Variants in ROBO1 observed in about 807,000 individuals in gnomAD.
ROBO1 encodes the protein roundabout guidance receptor 1, also known as roundabout homolog 1.
Under a neutral mutation model 195.9 loss-of-function variants are expected in ROBO1, and 149 were observed. That is an observed-to-expected ratio of 0.76 (90% confidence interval 0.67 to 0.87). ROBO1 has a LOEUF of 0.87. ROBO1 is among the 40% of genes least tolerant of loss of function. The pLI, the probability that ROBO1 is intolerant of heterozygous loss-of-function variation, is 0.00. For missense variants in ROBO1, 1,933 were observed against 2,068.3 expected (o/e 0.93, Z 1.27); for synonymous variants, 816 against 733.2 (o/e 1.11, Z -1.82).
intron 2 of ROBO1, among the ~76,000 whole-genome samples, chr3:79,160,316 A>G (rs189936410): frequency 6.6e-6 from 1 of 151,922 alleles, no homozygotes; most frequent in East Asian, 1.9e-4. Context: ...TAATTGAGTT[A>G]TAGTTGATCA....
At chr3:79,664,312 A>T (rs2106851414) in intron 1 of ROBO1, among the ~76,000 whole-genome samples, 1 of 151,944 alleles carries the variant, frequency 6.6e-6, no homozygotes, top group South Asian at 2.1e-4. Context: ...TTTTCTTTTT[A>T]TTTCGATAAG....
At chr3:78,964,801 G>GTT (rs146761550) in intron 3 of ROBO1, among the ~76,000 whole-genome samples, 1,505 of 143,646 alleles carry the variant, frequency 0.01, 9 homozygotes, top group Non-Finnish European at 0.015. Flanking sequence ...CAAGCTTAGG[G>GTT]TTTTTTTTTT....
chr3:79,542,659 C>A (rs889009787), intron 2 of ROBO1, among the ~76,000 whole-genome samples: 1 of 151,978 alleles, frequency 6.6e-6, no homozygotes, highest in East Asian at 1.9e-4. Flanking sequence ...ATTTAATCCT[C>A]AGGAAACTGG....
At chr3:79,160,889 C>T (rs80168277) in intron 2 of ROBO1, among the ~76,000 whole-genome samples, 8,187 of 151,974 alleles carry the variant, frequency 0.054, 289 homozygotes, top group Middle Eastern at 0.099. Context: ...GTAATATTAA[C>T]GTTACACAAA....
intron 4 of ROBO1, among the ~76,000 whole-genome samples, chr3:78,819,321 C>A (rs2030580934): frequency 6.6e-6 from 1 of 151,768 alleles, no homozygotes; most frequent in Non-Finnish European, 1.5e-5. Context: ...ACCCCAAAGT[C>A]ATAAAACTTC....
chr3:79,038,525 G>C (rs1360484511), intron 3 of ROBO1, among the ~76,000 whole-genome samples: 1 of 152,054 alleles, frequency 6.6e-6, no homozygotes, highest in Non-Finnish European at 1.5e-5. Flanking sequence ...TATATAACCT[G>C]TCAGTATACT....
chr3:79,184,244 C>T (rs1482819318), intron 2 of ROBO1, among the ~76,000 whole-genome samples: 2 of 152,148 alleles, frequency 1.3e-5, no homozygotes, highest in African/African-American at 4.8e-5. Context: ...ATCGTTAATG[C>T]TCTTCTGTTT....
Position 78,678,594 on chromosome 3 carries a change from C to T in ROBO1, c.1342+7152G>A, listed in dbSNP as rs535424755. On this transcript the variant is annotated intron_variant, in intron 10 of 30. Transcript: ENST00000464233. ...ATCTAGAAGAAATGGATAAATTCCT[C>T]GACACATACACTCTCCCAAGACTAA... Among the ~76,000 whole-genome samples, 1,018 of 152,074 alleles carry T rather than the reference C, an allele frequency of 6.7e-3. 6 individuals are homozygous for T. Among genetic ancestry groups the T allele is most frequent in the Middle Eastern group, 0.034 (10 of 294 alleles).
At chr3:78,936,769 T>C (rs1005518956) in intron 4 of ROBO1, among the ~76,000 whole-genome samples, 1 of 152,064 alleles carries the variant, frequency 6.6e-6, no homozygotes, top group Non-Finnish European at 1.5e-5. Flanking sequence ...CAATCGCCCA[T>C]GAATCCTGAG....
At chr3:79,567,430 C>T (rs549910618) in intron 2 of ROBO1, among the ~76,000 whole-genome samples, 2 of 152,094 alleles carry the variant, frequency 1.3e-5, no homozygotes, top group African/African-American at 4.8e-5. Flanking sequence ...GTAACATGTA[C>T]ATTTTGTTAA....
intron 1 of ROBO1, among the ~76,000 whole-genome samples, chr3:79,599,390 G>A (rs1312722445): frequency 1.3e-5 from 2 of 152,050 alleles, no homozygotes; most frequent in African/African-American, 2.4e-5. Flanking sequence ...ATTCATAAAT[G>A]CTTTTCAAGA....
intron 4 of ROBO1, among the ~76,000 whole-genome samples, chr3:78,882,862 G>A (rs1167090374): frequency 6.7e-6 from 1 of 149,992 alleles, no homozygotes; most frequent in Admixed American, 6.7e-5. Flanking sequence ...GCCCAGGCTG[G>A]AGTGCAGTGG....
intron 2 of ROBO1, among the ~76,000 whole-genome samples, chr3:79,319,920 G>A (rs573171629): frequency 6.6e-6 from 1 of 152,208 alleles, no homozygotes; most frequent in African/African-American, 2.4e-5. Flanking sequence ...TAATAATGCT[G>A]TAAGGTAATA....
chr3:78,646,152 C>G lies in ROBO1; in HGVS notation c.2878G>C (p.Gly960Arg). Residue 960 changes from glycine to arginine, a missense_variant, in exon 21 of 31, where the codon GGG becomes CGG. By Grantham distance (125) the Gly-to-Arg change is moderately radical. Transcript: ENST00000464233. ...CAAAACAAGCAAGATAATTACCTCC[C>G]TCCACTGCTGACAGCTTCGCCTCCT... ...QRGGEAVSSG[G>R]RPGLLNISEP... 6.2e-7 allele frequency: 1 copy of G among 1,607,274 alleles called. No homozygotes were observed. Among genetic ancestry groups the G allele is most frequent in the South Asian group, 1.1e-5 (1 of 90,452 alleles).
intron 2 of ROBO1, among the ~76,000 whole-genome samples, chr3:79,420,008 G>C (rs997101643): frequency 2.6e-5 from 4 of 152,044 alleles, no homozygotes; most frequent in Non-Finnish European, 4.4e-5. Flanking sequence ...TGGAAAACCT[G>C]ATGGCATTAA....
chr3:79,079,230 GT>G (rs1212224669), intron 3 of ROBO1, among the ~76,000 whole-genome samples: 1 of 151,620 alleles, frequency 6.6e-6, no homozygotes, highest in African/African-American at 2.4e-5. Context: ...AAAAAATCAC[GT>G]TTTCTTTAAA....
intron 2 of ROBO1, among the ~76,000 whole-genome samples, chr3:79,391,528 A>G (rs1413050680): frequency 6.6e-6 from 1 of 152,072 alleles, no homozygotes; most frequent in Non-Finnish European, 1.5e-5. Context: ...CAACTCCCAC[A>G]AACCTCCCAC....
chr3:78,725,373 G>T (rs2108141598), intron 5 of ROBO1, among the ~76,000 whole-genome samples: 1 of 72,000 alleles, frequency 1.4e-5, no homozygotes, highest in Middle Eastern at 0.011. Context: ...ATAGTCTCAG[G>T]TTAAAAAAAA....
chr3:78,703,783 A>C (rs1403119276), intron 8 of ROBO1, among the ~76,000 whole-genome samples: 1 of 149,034 alleles, frequency 6.7e-6, no homozygotes, highest in Non-Finnish European at 1.5e-5. Flanking sequence ...CAATATATAT[A>C]AATTTAATAT....
Sources: allele counts gnomAD v4.1 joint callset (sites outside exome capture counted in the v4.1 genomes callset), GRCh38; gene constraint gnomAD v4.1.1; transcripts MANE v1.5; gene names NCBI Gene and HGNC (gene_info 2026-07-23, HGNC 2026-07-21).